The following NTNG2 variants were observed in gnomAD, a reference collection of about 807,000 sequenced individuals.
NTNG2 encodes the protein netrin G2.
A neutral mutation model predicts 47.6 loss-of-function variants in NTNG2; 15 were observed. The observed-to-expected ratio is 0.32, with a 90% CI of 0.21 to 0.49. The LOEUF is 0.49. NTNG2 is among the 20% of genes least tolerant of loss of function. The probability of loss-of-function intolerance (pLI) is 0.99; values close to 1 mark genes in which losing one functional copy is unlikely to be tolerated. For synonymous variants in NTNG2, 307 were observed against 324.6 expected, an observed-to-expected ratio of 0.95 and a Z score of 0.58; for missense variants, 578 against 764.6, an observed-to-expected ratio of 0.76 and a Z score of 2.88.
intron 3 of NTNG2, among the ~76,000 whole-genome samples, chr9:132,216,526 G>A (rs1564426678): frequency 6.6e-6 from 1 of 151,648 alleles, no homozygotes; most frequent in Non-Finnish European, 1.5e-5. Flanking sequence ...TTCTGCAGTG[G>A]GGCAGGGGTG....
Position 132,239,288 on chromosome 9 carries a change from A to G in NTNG2, c.1222+17A>G, listed in dbSNP as rs551877038. Reference sequence around the variant, plus strand: ...TCTGCATTGGTGAGAGGGCACGGACACGGCACAGGGAACTTGCTGGAATGC... The same window carrying G: ...TCTGCATTGGTGAGAGGGCACGGACGCGGCACAGGGAACTTGCTGGAATGC... On this transcript the variant is annotated intron_variant, in intron 6 of 7. Coordinates refer to ENST00000393229, the MANE Select transcript of NTNG2 (RefSeq NM_032536.4). The G allele has an allele frequency of 3.7e-6, 6 of 1,613,086 alleles. No individual in the cohort carries two copies. Among genetic ancestry groups the G allele is most frequent in the East Asian group, 4.5e-5 (2 of 44,882 alleles).
chr9:132,180,222 T>C lies in NTNG2; in HGVS notation c.213+13178T>C, dbSNP rs1407839680. On this transcript the variant is annotated intron_variant, in intron 2 of 7. Transcript: ENST00000393229. This position sits in a 1 kb window ranked among gnomAD's most constrained non-coding sequence, Gnocchi z 4.2. ...ATGAAACACGACCAGGCATTTTCCC[T>C]TGGCCGAAGCAGAAGTCTGCTGTCG... is the stretch of plus-strand genomic sequence containing the variant. Among the ~76,000 whole-genome samples the C allele has an allele frequency of 2.6e-5, 4 of 152,214 alleles. No individual in the cohort carries two copies.
rs935646116 is a variant in NTNG2, at chr9:132,236,888, G to A, written c.1055-2216G>A. ...CGAGTGGGACTCCAGGGACAGCGAA[G>A]GATTCACTTCGGCTGGAGCAGGAAG... On this transcript the variant is annotated intron_variant, in intron 5 of 7. Transcript: ENST00000393229. This position sits in a 1 kb window ranked among gnomAD's most constrained non-coding sequence, Gnocchi z 4.3. 1.3e-5 allele frequency among the ~76,000 whole-genome samples: 2 copies of A among 152,198 alleles called. No individual in the cohort carries two copies. The highest frequency in any genetic ancestry group is 6.5e-5 in the Admixed American group (1 of 15,278).
Position 132,162,567 on chromosome 9 carries a change from A to AGTGTGT in NTNG2, c.-484+329_-484+330insTGTGTG, listed in dbSNP as rs1491423706. Among the ~76,000 whole-genome samples the AGTGTGT allele has an allele frequency of 1.1e-3, 114 of 101,772 alleles. 5 individuals are homozygous for AGTGTGT. Among genetic ancestry groups the AGTGTGT allele is most frequent in the African/African-American group, 3.7e-3 (103 of 27,504 alleles). 66.8% of individuals were successfully genotyped at this position (101,772 alleles called of 152,430 possible). A position where few individuals can be genotyped will look rare whatever the true frequency, so the allele number is the denominator to read the frequency against. On this transcript the variant is annotated intron_variant, in intron 1 of 7. Transcript: ENST00000393229. This position sits in a 1 kb window ranked among gnomAD's most constrained non-coding sequence, Gnocchi z 4.6. Reference sequence around the variant, plus strand: ...GTGTGTGTGTGTGTGAGAGAGAGACAGAGTGTGTGTGTGTGTGTGTGTGTG... The same window carrying AGTGTGT: ...GTGTGTGTGTGTGTGAGAGAGAGACAGTGTGTGAGTGTGTGTGTGTGTGTGTGTGTG...
chr9:132,203,824 A>C (rs1049757811), intron 3 of NTNG2, among the ~76,000 whole-genome samples: 42 of 152,156 alleles, frequency 2.8e-4, no homozygotes, highest in African/African-American at 9.7e-4. Flanking sequence ...GGAAGGGGGC[A>C]TCATCCCACG....
Position 132,192,822 on chromosome 9 carries a change from G to A in NTNG2, c.214-5144G>A, listed in dbSNP as rs773302121. Among the ~76,000 whole-genome samples, 21 of 152,320 alleles carry A rather than the reference G, an allele frequency of 1.4e-4. 1 individual carries two copies. The highest frequency in any genetic ancestry group is 6.8e-3 in the Middle Eastern group (2 of 294). On this transcript the variant is annotated intron_variant, in intron 2 of 7. Coordinates refer to ENST00000393229, the MANE Select transcript of NTNG2 (RefSeq NM_032536.4). Reference sequence around the variant, plus strand: ...GAGAAAATTGTGTTGGCCGCGGCTCGGGATTTATTTATTGTACTTGCTGTT... The same window carrying A: ...GAGAAAATTGTGTTGGCCGCGGCTCAGGATTTATTTATTGTACTTGCTGTT...
intron 6 of NTNG2, among the ~76,000 whole-genome samples, chr9:132,239,691 A>G (rs1244798063): frequency 1.3e-5 from 2 of 152,164 alleles, no homozygotes; most frequent in Admixed American, 6.5e-5. Context: ...GGAGCAGCCT[A>G]TCCCTCCTCC....
intron 2 of NTNG2, among the ~76,000 whole-genome samples, chr9:132,190,220 G>C (rs1837769647): frequency 8.4e-6 from 1 of 119,476 alleles, no homozygotes; most frequent in Non-Finnish European, 1.6e-5. Flanking sequence ...GCGAAAGAGA[G>C]AGACTCCATC....
intron 3 of NTNG2, among the ~76,000 whole-genome samples, chr9:132,217,892 G>A (rs1564427626): frequency 1.3e-5 from 2 of 152,172 alleles, no homozygotes; most frequent in South Asian, 2.1e-4. Flanking sequence ...CAAAAGGAAG[G>A]CACACAAACC....
chr9:132,239,346 T>C, intron 6 of NTNG2, 75 bp downstream of exon 6: 2 of 1,476,828 alleles, frequency 1.4e-6, no homozygotes, highest in Non-Finnish European at 9.4e-7. Flanking sequence ...AGGTGGCCTC[T>C]GGGGCCCCCT....
intron 3 of NTNG2, among the ~76,000 whole-genome samples, chr9:132,201,452 G>A (rs1838742919): frequency 6.6e-6 from 1 of 152,352 alleles, no homozygotes; most frequent in Middle Eastern, 3.4e-3. Flanking sequence ...AAGGACTGAG[G>A]TTACCTCCCC....
At position 132,215,004 on chromosome 9, in the gene NTNG2, G is replaced by A. The variant is rs941214114; in HGVS notation, c.858-11845G>A. Among the ~76,000 whole-genome samples the A allele has an allele frequency of 2.0e-5, 3 of 150,992 alleles. No individual in the cohort carries two copies. Among genetic ancestry groups the A allele is most frequent in the African/African-American group, 7.3e-5 (3 of 41,116 alleles). ...CGATCCTCCTGCCTCAGCCTCCGAA[G>A]TAGCTAAGATGACAGGTGCTCACCA... On this transcript the variant is annotated intron_variant, in intron 3 of 7. Coordinates refer to ENST00000393229, the MANE Select transcript of NTNG2 (RefSeq NM_032536.4). This position sits in a 1 kb window ranked among gnomAD's most constrained non-coding sequence, Gnocchi z 4.2.
In NTNG2 at chr9:132,179,900, G is replaced by A. The variant is rs10119408; in HGVS notation, c.213+12856G>A. Among the ~76,000 whole-genome samples the A allele has an allele frequency of 4.4e-3, 668 of 152,284 alleles. 6 individuals carry two copies. The highest frequency in any genetic ancestry group is 0.015 in the African/African-American group (635 of 41,548). On this transcript the variant is annotated intron_variant, in intron 2 of 7. Coordinates refer to ENST00000393229, the MANE Select transcript of NTNG2 (RefSeq NM_032536.4). Reference sequence around the variant, plus strand: ...TAGCGGGGCTGGGATCTCACTGGGCGGCCACAGAGGGGTCCCCTGACCTCT... The same window carrying A: ...TAGCGGGGCTGGGATCTCACTGGGCAGCCACAGAGGGGTCCCCTGACCTCT...
chr9:132,201,696 C>T (rs533171047), intron 3 of NTNG2, among the ~76,000 whole-genome samples: 10 of 152,204 alleles, frequency 6.6e-5, no homozygotes, highest in Non-Finnish European at 1.5e-4. Context: ...GAACAGCAAA[C>T]GTTTATCGAG....
chr9:132,230,537 G>T, intron 4 of NTNG2, 35 bp from the exon 5 acceptor site: 1 of 1,590,172 alleles, frequency 6.3e-7, no homozygotes. Flanking sequence ...CCCTTCCCCT[G>T]GGGCAGCCAG....
At chr9:132,199,976 C>G (rs1838618896) in intron 3 of NTNG2, among the ~76,000 whole-genome samples, 1 of 152,138 alleles carries the variant, frequency 6.6e-6, no homozygotes, top group South Asian at 2.1e-4. Flanking sequence ...TGTCCTGGGT[C>G]ATTTGTACTT....
rs1838369237 is a variant in NTNG2, at chr9:132,197,115, C to T, written c.214-851C>T. On this transcript the variant is annotated intron_variant, in intron 2 of 7. Transcript: ENST00000393229. The surrounding 1 kb of genome is among the most constrained non-coding windows in gnomAD (Gnocchi z 4.3). ...CAGGTAAAAAGGCTCAGGGGCCGGGCGCAGTGGCTCACGTCTGCAATCCCA... is the reference window on the plus strand; with the variant it reads ...CAGGTAAAAAGGCTCAGGGGCCGGGTGCAGTGGCTCACGTCTGCAATCCCA... Among the ~76,000 whole-genome samples, 1 of 152,164 alleles carries T rather than the reference C, an allele frequency of 6.6e-6. No individual in the cohort carries two copies. Among genetic ancestry groups the T allele is most frequent in the Non-Finnish European group, 1.5e-5 (1 of 68,046 alleles).
chr9:132,215,541 C>T lies in NTNG2; in HGVS notation c.858-11308C>T, dbSNP rs1436416285. Among the ~76,000 whole-genome samples, 2 of 152,184 alleles carry T rather than the reference C, an allele frequency of 1.3e-5. No individual in the cohort carries two copies. The highest frequency in any genetic ancestry group is 4.8e-5 in the African/African-American group (2 of 41,438). On this transcript the variant is annotated intron_variant, in intron 3 of 7. Coordinates refer to ENST00000393229, the MANE Select transcript of NTNG2 (RefSeq NM_032536.4). The surrounding 1 kb of genome is among the most constrained non-coding windows in gnomAD (Gnocchi z 4.2). ...GTTGAAGTGAGCCAAGATCGAACCACTGCACTCCGGTCTAGATGACAAAGC... is the reference window on the plus strand; with the variant it reads ...GTTGAAGTGAGCCAAGATCGAACCATTGCACTCCGGTCTAGATGACAAAGC...
Position 132,181,110 on chromosome 9 carries a change from G to A in NTNG2, c.213+14066G>A, listed in dbSNP as rs58477205. Among the ~76,000 whole-genome samples, 1,321 of 152,174 alleles carry A rather than the reference G, an allele frequency of 8.7e-3. 20 individuals carry two copies. Among genetic ancestry groups the A allele is most frequent in the African/African-American group, 0.03 (1,239 of 41,504 alleles). ...GACTTTCTCTTTTTTTTGAGACAGG[G>A]TCTCACTCTGTCACCCAGGCTGGAG... On this transcript the variant is annotated intron_variant, in intron 2 of 7. Coordinates refer to ENST00000393229, the MANE Select transcript of NTNG2 (RefSeq NM_032536.4).
Sources: allele counts gnomAD v4.1 joint callset (sites outside exome capture counted in the v4.1 genomes callset), GRCh38; gene constraint gnomAD v4.1.1; non-coding constraint Gnocchi (gnomAD v3.1); transcripts MANE v1.5; gene names NCBI Gene and HGNC (gene_info 2026-07-23, HGNC 2026-07-21).